Variants in PNLIPRP1 observed in about 807,000 individuals in gnomAD.
PNLIPRP1 encodes the protein pancreatic lipase related protein 1.
PNLIPRP1 carries 57 observed loss-of-function variants against 54.6 expected under a neutral mutation model. The ratio of observed to expected loss-of-function variants is 1.04; its 90% CI spans 0.84 to 1.30. The LOEUF is 1.30. Among genes scored for constraint, PNLIPRP1 ranks in the 50% most tolerant of loss-of-function variants. The pLI, the probability that PNLIPRP1 is intolerant of heterozygous loss-of-function variation, is 0.00. For synonymous variants in PNLIPRP1, 232 were observed against 208.8 expected (o/e 1.11, Z -0.96); for missense variants, 567 against 568.5 (o/e 1.00, Z 0.03).
At position 116,594,795 on chromosome 10, in the gene PNLIPRP1, C is replaced by T. The variant is rs782756444; in HGVS notation, c.396C>T (p.Thr132=). ...CVDWKKGSQA[T]YTQAANNVRV... is the part of the protein sequence containing the mutation. ...ACTGGAAGAAGGGCTCCCAAGCCACCTACACACAGGCTGCCAACAACGTGC... is the reference window on the plus strand; with the variant it reads ...ACTGGAAGAAGGGCTCCCAAGCCACTTACACACAGGCTGCCAACAACGTGC... Residue 132 remains threonine (T), a synonymous_variant, in exon 5 of 13, where the codon ACC becomes ACT. Coordinates refer to ENST00000358834, the MANE Select transcript of PNLIPRP1 (RefSeq NM_006229.4). 1 of 1,614,178 alleles carries T rather than the reference C, an allele frequency of 6.2e-7. No individual in the cohort carries two copies. Among genetic ancestry groups the T allele is most frequent in the South Asian group, 1.1e-5 (1 of 91,090 alleles).
At position 116,598,089 on chromosome 10, in the gene PNLIPRP1, C is replaced by A. The variant is rs564039624; in HGVS notation, c.737C>A (p.Pro246His). The part of the protein sequence containing the change: ...NQQMGHLDFF[P>H]NGGESMPGCK... The stretch of plus-strand genomic sequence containing the variant: ...CAGATGGGTCATCTTGACTTCTTCC[C>A]CAATGGAGGAGAGAGCATGCCGGGA... Residue 246 changes from proline to histidine, a missense_variant, in exon 8 of 13, where the codon CCC becomes CAC. Transcript: ENST00000358834. 1.7e-5 allele frequency: 27 copies of A among 1,614,062 alleles called. No individual in the cohort carries two copies. The South Asian group carries it at 2.0e-4, about 12-fold the overall frequency.
Position 116,600,087 on chromosome 10 carries a change from C to G in PNLIPRP1, c.855C>G (p.Tyr285Ter). ...DFVACNHLRSYKYYLESILNP... is the reference protein window; with the variant it reads ...DFVACNHLRS ...TGGCTTGCAATCACCTAAGAAGCTA[C>G]AAGTATTACTTGGAAAGCATCCTCA... is the stretch of plus-strand genomic sequence containing the variant. The change falls in exon 9 of 13, where the codon TAC becomes TAG. Residue 285 changes from tyrosine (Y) to a stop codon, truncating the protein, a stop_gained. Coordinates refer to ENST00000358834, the MANE Select transcript of PNLIPRP1 (RefSeq NM_006229.4). LOFTEE classifies it high-confidence loss of function. 1 of 1,614,084 alleles carries G rather than the reference C, an allele frequency of 6.2e-7. No homozygotes were observed.
chr10:116,592,983 C>A (rs1305410125), intron 4 of PNLIPRP1: 3 of 312,008 alleles, frequency 9.6e-6, no homozygotes, highest in South Asian at 2.8e-5. Context: ...GCCTGGCGAA[C>A]ATGGTGAAAC....
In PNLIPRP1 at chr10:116,601,330, C is replaced by T. The variant is rs540634763; in HGVS notation, c.1063+129C>T. The T allele has an allele frequency of 1.1e-4, 90 of 832,638 alleles. 1 individual carries two copies. Among genetic ancestry groups the T allele is most frequent in the South Asian group, 8.6e-4 (48 of 55,848 alleles). 51.6% of individuals were successfully genotyped at this position (832,638 alleles called of 1,614,324 possible). A position where few individuals can be genotyped will look rare whatever the true frequency, so the allele number is the denominator to read the frequency against. ...TTATCTTAGAAATGGACACATTTAC[C>T]GAAACTATTGCAGTTACAAGTAAAC... On this transcript the variant is annotated intron_variant, in intron 10 of 12. Coordinates refer to ENST00000358834, the MANE Select transcript of PNLIPRP1 (RefSeq NM_006229.4).
At chr10:116,592,231 G>C (rs556407368) in intron 3 of PNLIPRP1, 185 bp from the exon 4 acceptor site, 2 of 683,792 alleles carry the variant, frequency 2.9e-6, no homozygotes, top group South Asian at 4.0e-5. Flanking sequence ...AGGCCTAGTG[G>C]AAGCAGTGAT....
intron 6 of PNLIPRP1, among the ~76,000 whole-genome samples, chr10:116,597,121 A>G (rs1362125406): frequency 2.0e-5 from 3 of 152,220 alleles, no homozygotes; most frequent in Non-Finnish European, 2.9e-5. Context: ...GCTGGCAACT[A>G]CATTCACGTT....
chr10:116,607,133 A>G (rs373940787), intron 12 of PNLIPRP1, among the ~76,000 whole-genome samples: 3 of 152,200 alleles, frequency 2.0e-5, no homozygotes, highest in Admixed American at 2.0e-4. Context: ...TGGGGTTTCA[A>G]TTCCTACTAA....
chr10:116,599,241 G>A lies in PNLIPRP1; in HGVS notation c.815-806G>A, dbSNP rs797038263. 1.1e-3 allele frequency among the ~76,000 whole-genome samples: 99 copies of A among 89,624 alleles called. 1 individual carries two copies. Among genetic ancestry groups the A allele is most frequent in the African/African-American group, 3.1e-3 (91 of 29,688 alleles). The allele number at this position is 89,624 out of a possible 152,430, so 58.8% of individuals were successfully genotyped here. A position where few individuals can be genotyped will look rare whatever the true frequency, so the allele number is the denominator to read the frequency against. On this transcript the variant is annotated intron_variant, in intron 8 of 12. Coordinates refer to ENST00000358834, the MANE Select transcript of PNLIPRP1 (RefSeq NM_006229.4). ...TTGCACCACAGCCTGGGCAACAAGA[G>A]CGAAACTCCATCTCGAAAATAAAAT...
rs782795523 is a variant in PNLIPRP1, at chr10:116,598,144, G to A, written c.792G>A (p.Val264=). ...GCKKNALSQI[V]DLDGIWAGTR... Reference sequence around the variant, plus strand: ...AGAAGAATGCCCTGTCTCAGATCGTGGATCTAGATGGCATCTGGGCGGGTA... The same window carrying A: ...AGAAGAATGCCCTGTCTCAGATCGTAGATCTAGATGGCATCTGGGCGGGTA... The change falls in exon 8 of 13, where the codon GTG becomes GTA. Residue 264 remains valine (V), a synonymous_variant. Transcript: ENST00000358834. 1 of 1,613,974 alleles carries A rather than the reference G, an allele frequency of 6.2e-7. No individual in the cohort carries two copies. Among genetic ancestry groups the A allele is most frequent in the Non-Finnish European group, 8.5e-7 (1 of 1,179,930 alleles).
At chr10:116,596,827 G>A (rs1396342832) in intron 6 of PNLIPRP1, among the ~76,000 whole-genome samples, 1 of 151,596 alleles carries the variant, frequency 6.6e-6, no homozygotes, top group African/African-American at 2.4e-5. Flanking sequence ...AATTATAACA[G>A]CAACAGCAAG....
At chr10:116,593,357 T>G (rs1338333165) in intron 4 of PNLIPRP1, among the ~76,000 whole-genome samples, 3 of 152,016 alleles carry the variant, frequency 2.0e-5, no homozygotes, top group African/African-American at 7.3e-5. Context: ...GTGCGTGCAA[T>G]ATACCACAAT....
In PNLIPRP1 at chr10:116,591,198, C is replaced by G; in HGVS notation, c.49+20C>G. 1 of 1,605,256 alleles carries G rather than the reference C, an allele frequency of 6.2e-7. No individual in the cohort carries two copies. On this transcript the variant is annotated intron_variant, in intron 2 of 12. Coordinates refer to ENST00000358834, the MANE Select transcript of PNLIPRP1 (RefSeq NM_006229.4). Reference sequence around the variant, plus strand: ...CCAAAGGTAAGAAACACCACTCCTGCCCCGTAGGAAGGGCTTAAACTTAAG... The same window carrying G: ...CCAAAGGTAAGAAACACCACTCCTGGCCCGTAGGAAGGGCTTAAACTTAAG...
At chr10:116,599,261 TAAAATAAAATA>T (rs1554864416) in intron 8 of PNLIPRP1, among the ~76,000 whole-genome samples, 1 of 52,970 alleles carries the variant, frequency 1.9e-5, no homozygotes, top group East Asian at 3.0e-4. Flanking sequence ...ATCTCGAAAA[TAAAATAAAATA>T]AAATAAAATA....
At chr10:116,591,069 G>T in intron 1 of PNLIPRP1, 61 bp from the exon 2 acceptor site, 1 of 1,340,202 alleles carries the variant, frequency 7.5e-7, no homozygotes, top group South Asian at 1.2e-5. Flanking sequence ...AGTCCAGGGC[G>T]TCGGTGCTCA....
Position 116,590,993 on chromosome 10 carries a change from A to G in PNLIPRP1, c.-3A>G, listed in dbSNP as rs183128310. Reference sequence around the variant, plus strand: ...GGAGGGAACATCTGGAACATTAGACAGGGTAAGCCACCTTTGCAACTCCTT... The same window carrying G: ...GGAGGGAACATCTGGAACATTAGACGGGGTAAGCCACCTTTGCAACTCCTT... On this transcript the variant is annotated splice_region_variant and 5_prime_UTR_variant, in exon 1 of 13. Transcript: ENST00000358834. 1.9e-5 allele frequency: 12 copies of G among 633,022 alleles called. No individual in the cohort carries two copies. In the East Asian group the frequency reaches 3.0e-4, roughly 16 times the overall value. 39.2% of individuals were successfully genotyped at this position (633,022 alleles called of 1,614,324 possible). A position where few individuals can be genotyped will look rare whatever the true frequency, so the allele number is the denominator to read the frequency against.
rs1228454620 is a variant in PNLIPRP1, at chr10:116,591,891, T to C, written c.170T>C (p.Leu57Pro). The change falls in exon 3 of 13, where the codon CTG becomes CCG. Residue 57 changes from leucine to proline, a missense_variant. Coordinates refer to ENST00000358834, the MANE Select transcript of PNLIPRP1 (RefSeq NM_006229.4). Reference protein sequence around the residue: ...WSPEKIGTRFLLYTNENPNNF... With the variant: ...WSPEKIGTRFPLYTNENPNNF... ...CCTGAGAAGATCGGCACCCGCTTCC[T>C]GCTGTACACCAATGAAAACCCAAAC... 6.2e-7 allele frequency: 1 copy of C among 1,614,088 alleles called. No homozygotes were observed. The highest frequency in any genetic ancestry group is 2.2e-5 in the East Asian group (1 of 44,896).
Position 116,601,114 on chromosome 10 carries a change from G to A in PNLIPRP1, c.976G>A (p.Gly326Ser), listed in dbSNP as rs782439140. 2.5e-6 allele frequency: 4 copies of A among 1,613,892 alleles called. No homozygotes were observed. In the Admixed American group the frequency reaches 5.0e-5, roughly 20 times the overall value. ...PCPDQGCPQMGHYADKFAGRT... is the reference protein window; with the variant it reads ...PCPDQGCPQMSHYADKFAGRT... Reference sequence around the variant, plus strand: ...TCCAGATCAAGGATGCCCACAGATGGGTCACTATGCTGATAAATTTGCTGG... The same window carrying A: ...TCCAGATCAAGGATGCCCACAGATGAGTCACTATGCTGATAAATTTGCTGG... Residue 326 changes from glycine to serine, a missense_variant, in exon 10 of 13, where the codon GGT becomes AGT. Physicochemically the swap from Gly to Ser is moderately conservative, Grantham distance 56. Coordinates refer to ENST00000358834, the MANE Select transcript of PNLIPRP1 (RefSeq NM_006229.4).
At chr10:116,607,618 A>G (rs1207117023) in intron 12 of PNLIPRP1, among the ~76,000 whole-genome samples, 2 of 152,026 alleles carry the variant, frequency 1.3e-5, no homozygotes, top group African/African-American at 4.8e-5. Flanking sequence ...ATGCCAAGTT[A>G]GGGCTTCTTG....
At chr10:116,607,188 G>A (rs1847949539) in intron 12 of PNLIPRP1, among the ~76,000 whole-genome samples, 1 of 151,994 alleles carries the variant, frequency 6.6e-6, no homozygotes, top group South Asian at 2.1e-4. Flanking sequence ...AGTATCCAAA[G>A]AGAAAGGCAG....
Sources: gnomAD v4.1 joint callset for allele counts (sites outside exome capture counted in the v4.1 genomes callset) on GRCh38, gnomAD v4.1.1 for gene constraint, MANE v1.5 for transcripts, NCBI Gene and HGNC (gene_info 2026-07-23, HGNC 2026-07-21) for gene names.